Variants in SUCLG2 observed in about 807,000 individuals in gnomAD.
The protein encoded by SUCLG2 is succinate--CoA ligase [GDP-forming] subunit beta, mitochondrial.
Under a neutral mutation model 47.9 loss-of-function variants are expected in SUCLG2, and 42 were observed. That is an observed-to-expected ratio of 0.88 (90% CI 0.69 to 1.14). SUCLG2 has a LOEUF of 1.14. Among genes scored for constraint, SUCLG2 ranks in the 50% most tolerant of loss-of-function variants. The pLI is 0.00. For missense variants in SUCLG2, 571 were observed against 525.9 expected (o/e 1.09, Z -0.84); for synonymous variants, 195 against 197.3 (o/e 0.99, Z 0.10).
intron 7 of SUCLG2, among the ~76,000 whole-genome samples, chr3:67,504,212 T>A (rs1203105569): frequency 6.6e-6 from 1 of 151,856 alleles, no homozygotes; most frequent in African/African-American, 2.4e-5. Flanking sequence ...TAGAACTTTT[T>A]TTTAGTGGCT....
chr3:67,492,506 T>C (rs750250779), intron 9 of SUCLG2, among the ~76,000 whole-genome samples: 2 of 152,224 alleles, frequency 1.3e-5, no homozygotes, highest in Non-Finnish European at 2.9e-5. Flanking sequence ...ACCCTACTTC[T>C]ATTTCCTATT....
chr3:67,555,693 G>C (rs1255247378), intron 2 of SUCLG2, among the ~76,000 whole-genome samples: 7 of 152,204 alleles, frequency 4.6e-5, no homozygotes, highest in Non-Finnish European at 1.0e-4. Context: ...GTAAGTCTTT[G>C]ATGATATAAA....
intron 2 of SUCLG2, among the ~76,000 whole-genome samples, chr3:67,537,581 G>C (rs140360016): frequency 6.6e-6 from 1 of 152,066 alleles, no homozygotes; most frequent in Non-Finnish European, 1.5e-5. Flanking sequence ...TTGGGTATAC[G>C]CCCAGTAATG....
rs549763218 is a variant in SUCLG2, at chr3:67,491,361, C to CTTTT, written c.1062+4433_1062+4436dup. On this transcript the variant is annotated intron_variant, in intron 9 of 10. Coordinates refer to ENST00000307227, the MANE Select transcript of SUCLG2 (RefSeq NM_003848.4). ...TTATGTTTTATTTCTTTTTCTTTTA[C>CTTTT]TTTTTTTTTTTTTTTTTTTCCAGAC... is the stretch of plus-strand genomic sequence containing the variant. Among the ~76,000 whole-genome samples, 7 of 125,852 alleles carry CTTTT rather than the reference C, an allele frequency of 5.6e-5. 1 individual carries two copies. The highest frequency in any genetic ancestry group is 1.9e-4 in the African/African-American group (6 of 32,346). The allele number at this position is 125,852 out of a possible 152,430, so 82.6% of individuals were successfully genotyped here.
At chr3:67,401,360 A>T (rs1371334469) in intron 9 of SUCLG2, among the ~76,000 whole-genome samples, 1 of 152,168 alleles carries the variant, frequency 6.6e-6, no homozygotes, top group Non-Finnish European at 1.5e-5. Flanking sequence ...TGCTAGAGGT[A>T]TGTTCTCAAA....
intron 9 of SUCLG2, among the ~76,000 whole-genome samples, chr3:67,440,382 G>C (rs1426425889): frequency 6.6e-6 from 1 of 152,098 alleles, no homozygotes; most frequent in African/African-American, 2.4e-5. Context: ...TTGACAAATG[G>C]GATCTAATCA....
rs551238405 is a variant in SUCLG2, at chr3:67,507,131, C to T, written c.757+1676G>A. ...CTTATCACAGTGTCTGGCATATAAGCTCAAGAAACAGCTTCTTCCCCTTCC... is the reference window on the plus strand; with the variant it reads ...CTTATCACAGTGTCTGGCATATAAGTTCAAGAAACAGCTTCTTCCCCTTCC... On this transcript the variant is annotated intron_variant, in intron 7 of 10. Coordinates refer to ENST00000307227, the MANE Select transcript of SUCLG2 (RefSeq NM_003848.4). 2.0e-5 allele frequency among the ~76,000 whole-genome samples: 3 copies of T among 152,108 alleles called. No homozygotes were observed. The South Asian group carries it at 6.2e-4, about 32-fold the overall frequency.
At chr3:67,534,842 A>G (rs1706499256) in intron 2 of SUCLG2, among the ~76,000 whole-genome samples, 1 of 150,232 alleles carries the variant, frequency 6.7e-6, no homozygotes, top group Admixed American at 6.7e-5. Flanking sequence ...TAATTAAAGA[A>G]TTTCTAACAT....
intron 1 of SUCLG2, among the ~76,000 whole-genome samples, chr3:67,653,930 G>A (rs962904090): frequency 4.6e-5 from 7 of 152,176 alleles, no homozygotes; most frequent in African/African-American, 1.7e-4. Context: ...ATTTTTCATT[G>A]GAAAGAGGAG....
intron 9 of SUCLG2, among the ~76,000 whole-genome samples, chr3:67,416,412 T>A (rs1575681041): frequency 6.6e-6 from 1 of 152,300 alleles, no homozygotes; most frequent in East Asian, 1.9e-4. Context: ...TGACATAGAT[T>A]TATACTTTTT....
Position 67,580,622 on chromosome 3 carries a change from G to A in SUCLG2, c.226+28833C>T, listed in dbSNP as rs1032740964. 4.6e-5 allele frequency among the ~76,000 whole-genome samples: 7 copies of A among 152,086 alleles called. No homozygotes were observed. In the East Asian group the frequency reaches 1.3e-3, roughly 29 times the overall value. The stretch of plus-strand genomic sequence containing the variant: ...ATGAAGCCTGAGACAACAGGCAAAC[G>A]GCAGAGATTGTCCCTTGATTAACTA... On this transcript the variant is annotated intron_variant, in intron 2 of 10. Transcript: ENST00000307227.
At chr3:67,508,931 A>C (rs753846785) in intron 6 of SUCLG2, 28 bp from the exon 7 acceptor site, 1 of 1,508,826 alleles carries the variant, frequency 6.6e-7, no homozygotes, top group Admixed American at 2.1e-5. Context: ...AAATAGAATT[A>C]CACCAAAGCA....
intron 9 of SUCLG2, among the ~76,000 whole-genome samples, chr3:67,440,988 T>A (rs1232684253): frequency 1.3e-5 from 2 of 152,160 alleles, no homozygotes; most frequent in Non-Finnish European, 2.9e-5. Context: ...CAAATGCCCA[T>A]CAATGATAGA....
intron 9 of SUCLG2, among the ~76,000 whole-genome samples, chr3:67,434,600 G>T (rs547158411): frequency 6.6e-6 from 1 of 152,064 alleles, no homozygotes; most frequent in East Asian, 1.9e-4. Context: ...AACAAAAAAA[G>T]GTGTTAAAAT....
intron 10 of SUCLG2, among the ~76,000 whole-genome samples, chr3:67,388,224 A>G (rs1280517143): frequency 4.6e-5 from 7 of 152,230 alleles, no homozygotes; most frequent in Non-Finnish European, 8.8e-5. Flanking sequence ...AAAAATATAC[A>G]TAGTGACCCT....
intron 2 of SUCLG2, among the ~76,000 whole-genome samples, chr3:67,587,340 T>A (rs1708050379): frequency 6.6e-6 from 1 of 152,228 alleles, no homozygotes. Flanking sequence ...CCAAGCTGGC[T>A]TGCTAAGCAC....
At chr3:67,528,844 CATTG>C (rs1706326864) in intron 3 of SUCLG2, among the ~76,000 whole-genome samples, 1 of 152,108 alleles carries the variant, frequency 6.6e-6, no homozygotes, top group Non-Finnish European at 1.5e-5. Context: ...TATGATGAAT[CATTG>C]ATTGTTTAGG....
chr3:67,470,742 A>G (rs1043422444), intron 9 of SUCLG2, among the ~76,000 whole-genome samples: 3 of 152,236 alleles, frequency 2.0e-5, no homozygotes, highest in Admixed American at 6.5e-5. Context: ...TGTAAGCCAC[A>G]TAAGTCTCTT....
At chr3:67,645,136 A>G (rs1254776187) in intron 1 of SUCLG2, among the ~76,000 whole-genome samples, 1 of 152,216 alleles carries the variant, frequency 6.6e-6, no homozygotes, top group African/African-American at 2.4e-5. Context: ...GGGGCCCTTT[A>G]ACATAAAGAA....
Sources: allele counts gnomAD v4.1 joint callset (sites outside exome capture counted in the v4.1 genomes callset), GRCh38; gene constraint gnomAD v4.1.1; transcripts MANE v1.5; gene names NCBI Gene and HGNC (gene_info 2026-07-23, HGNC 2026-07-21).